Variants in TUFM observed in about 807,000 individuals in gnomAD.
The protein encoded by TUFM is Tu translation elongation factor, mitochondrial.
Under a neutral mutation model 45.0 loss-of-function variants are expected in TUFM, and 23 were observed. The observed-to-expected ratio is 0.51, with a 90% CI of 0.37 to 0.72. The LOEUF is 0.72. TUFM is among the 30% of genes least tolerant of loss of function. The pLI is 0.00. For synonymous variants in TUFM, 243 were observed against 252.9 expected (o/e 0.96, Z 0.37); for missense variants, 490 against 610.7 (o/e 0.80, Z 2.08).
At chr16:28,845,288 G>C in intron 3 of TUFM, 26 bp downstream of exon 3, 1 of 1,613,952 alleles carries the variant, frequency 6.2e-7, no homozygotes, top group Non-Finnish European at 8.5e-7. Flanking sequence ...TTCTGGCCCT[G>C]TCTCCAGTGT....
At position 28,845,450 on chromosome 16, in the gene TUFM, T is replaced by G; in HGVS notation, c.278A>C (p.Lys93Thr). 6.2e-7 allele frequency: 1 copy of G among 1,614,168 alleles called. No homozygotes were observed. Among genetic ancestry groups the G allele is most frequent in the East Asian group, 2.2e-5 (1 of 44,882 alleles). Residue 93 changes from lysine to threonine, a missense_variant, in exon 3 of 10, where the codon AAG becomes ACG. Physicochemically the swap from Lys to Thr is moderately conservative, Grantham distance 78 (BLOSUM62 -1). Transcript: ENST00000313511. ...GGCATTGTCAATCTCCTCGTACTTC[T>G]TGAACTTAGCCCCACCTCCCTCAGC... Reference protein sequence around the residue: ...ILAEGGGAKFKKYEEIDNAPE... With the variant: ...ILAEGGGAKFTKYEEIDNAPE...
Position 28,843,984 on chromosome 16 carries a change from C to A in TUFM, c.1040G>T (p.Gly347Val). Reference sequence around the variant, plus strand: ...CACCTTCTGGTGGGGCTTGATGGAACCTGGCTTGACCATGACCAGGCCCCG... The same window carrying A: ...CACCTTCTGGTGGGGCTTGATGGAAACTGGCTTGACCATGACCAGGCCCCG... ...LRRGLVMVKPGSIKPHQKVEA... is the reference protein window; with the variant it reads ...LRRGLVMVKPVSIKPHQKVEA... The change falls in exon 8 of 10, where the codon GGT (glycine) becomes GTT (valine). Residue 347 changes from glycine to valine, a missense_variant. Physicochemically the swap from Gly to Val is moderately radical, Grantham distance 109. Coordinates refer to ENST00000313511, the MANE Select transcript of TUFM (RefSeq NM_003321.5). The A allele has an allele frequency of 6.2e-7, 1 of 1,614,194 alleles. No homozygotes were observed. Among genetic ancestry groups the A allele is most frequent in the Non-Finnish European group, 8.5e-7 (1 of 1,180,026 alleles).
rs1461577295 is a variant in TUFM at position 28,842,512 on chromosome 16, G to C, written c.*463C>G. 1 of 243,416 alleles carries C rather than the reference G, an allele frequency of 4.1e-6. No individual in the cohort carries two copies. Among genetic ancestry groups the C allele is most frequent in the Non-Finnish European group, 8.2e-6 (1 of 122,230 alleles). The allele number at this position is 243,416 out of a possible 1,614,324, so 15.1% of individuals were successfully genotyped here. On this transcript the variant is annotated 3_prime_UTR_variant, in exon 10 of 10. Transcript: ENST00000313511. ...TCCCACAGAATGTGAATGGATGCTA[G>C]ACATTCACTTAGTATTCCGAGGAAA...
rs747525956 is a variant in TUFM at position 28,844,779 on chromosome 16, C to T, written c.603G>A (p.Glu201=). The change falls in exon 5 of 10, where the codon GAG becomes GAA. Residue 201 remains glutamate, a synonymous_variant. Transcript: ENST00000313511. The surrounding 1 kb of genome is among the most constrained non-coding windows in gnomAD (Gnocchi z 5.8). ...DSEMVELVEL[E]IRELLTEFGY... The stretch of plus-strand genomic sequence containing the variant: ...CAAACTCGGTGAGCAGCTCCCGGAT[C>T]TCCAGTTCCACCAGTTCCACCATCT... 6.2e-7 allele frequency: 1 copy of T among 1,614,216 alleles called. No individual in the cohort carries two copies. The highest frequency in any genetic ancestry group is 1.1e-5 in the South Asian group (1 of 91,078).
Position 28,843,142 on chromosome 16 carries a change from C to T in TUFM, c.1201G>A (p.Ala401Thr). 4 of 1,614,210 alleles carry T rather than the reference C, an allele frequency of 2.5e-6. No homozygotes were observed. Among genetic ancestry groups the T allele is most frequent in the Non-Finnish European group, 3.4e-6 (4 of 1,180,034 alleles). ...RIILPPEKELAMPGEDLKFNL... is the reference protein window; with the variant it reads ...RIILPPEKELTMPGEDLKFNL... ...AACTTCAGGTCCTCCCCGGGCATGG[C>T]AAGCTCCTAGAGTAGGAAGAGAAGG... Residue 401 changes from alanine to threonine, a missense_variant, in exon 10 of 10, where the codon GCC becomes ACC. By Grantham distance (58) the Ala-to-Thr change is moderately conservative (BLOSUM62 0). Transcript: ENST00000313511.
rs1413723113 is a variant in TUFM at position 28,842,940 on chromosome 16, T to TAA, written c.*33_*34dup. 1 of 1,613,236 alleles carries TAA rather than the reference T, an allele frequency of 6.2e-7. No individual in the cohort carries two copies. The highest frequency in any genetic ancestry group is 8.5e-7 in the Non-Finnish European group (1 of 1,179,928). On this transcript the variant is annotated 3_prime_UTR_variant, in exon 10 of 10. Transcript: ENST00000313511. The stretch of plus-strand genomic sequence containing the variant: ...AGGGAGCCCTGGCTAGGGCAGGCCT[T>TAA]AAACGCAAGGGAAGCTGAGCAGAGA...
Position 28,843,039 on chromosome 16 carries a change from C to G in TUFM, c.1304G>C (p.Gly435Ala). ...FTLRDGNRTI[G>A]TGLVTNTLAM... ...CAGCGTGTTGGTGACTAGACCGGTG[C>G]CAATAGTCCGGTTGCCATCTCGCAG... The change falls in exon 10 of 10, where the codon GGC becomes GCC. Residue 435 changes from glycine to alanine, a missense_variant. By Grantham distance (60) the Gly-to-Ala change is moderately conservative. Transcript: ENST00000313511. 6.2e-7 allele frequency: 1 copy of G among 1,614,210 alleles called. No individual in the cohort carries two copies. The highest frequency in any genetic ancestry group is 8.5e-7 in the Non-Finnish European group (1 of 1,180,034).
intron 9 of TUFM, among the ~76,000 whole-genome samples, chr16:28,843,472 C>T (rs1469386584): frequency 1.3e-5 from 2 of 152,130 alleles, no homozygotes; most frequent in East Asian, 3.8e-4. Flanking sequence ...AAGAAGAGAC[C>T]TTTTCTAGGA....
chr16:28,846,172 C>A, intron 1 of TUFM, 46 bp downstream of exon 1: 2 of 1,598,508 alleles, frequency 1.3e-6, no homozygotes, highest in Non-Finnish European at 1.7e-6. Context: ...ACCTACCACT[C>A]CCCCAAAGTG....
rs1961938860 is a variant in TUFM at position 28,845,907 on chromosome 16, C to T, written c.247+5G>A. The T allele has an allele frequency of 6.2e-7, 1 of 1,613,672 alleles. No homozygotes were observed. The highest frequency in any genetic ancestry group is 1.1e-5 in the South Asian group (1 of 91,074). On this transcript the variant is annotated splice_donor_5th_base_variant and intron_variant, in intron 2 of 9. Coordinates refer to ENST00000313511, the MANE Select transcript of TUFM (RefSeq NM_003321.5). Reference sequence around the variant, plus strand: ...GGCGCTGCTGGACGCCCCAACCCCACTCACTCTTCGTGATGGCTGCAGTCA... The same window carrying T: ...GGCGCTGCTGGACGCCCCAACCCCATTCACTCTTCGTGATGGCTGCAGTCA...
At position 28,843,999 on chromosome 16, in the gene TUFM, A is replaced by C. The variant is rs1395175547; in HGVS notation, c.1025T>G (p.Val342Gly). 15 of 1,613,976 alleles carry C rather than the reference A, an allele frequency of 9.3e-6. No homozygotes were observed. Among genetic ancestry groups the C allele is most frequent in the Non-Finnish European group, 1.3e-5 (15 of 1,179,966 alleles). ...CTTGATGGAACCTGGCTTGACCATG[A>C]CCAGGCCCCGCCGCAAGTCCTCCCG... ...LKREDLRRGL[V>G]MVKPGSIKPH... Residue 342 changes from valine to glycine, a missense_variant, in exon 8 of 10, where the codon GTC becomes GGC. Transcript: ENST00000313511.
At position 28,844,705 on chromosome 16, in the gene TUFM, G is replaced by A. The variant is rs1196162148; in HGVS notation, c.677C>T (p.Ala226Val). Residue 226 changes from alanine (A) to valine (V), a missense_variant, in exon 5 of 10, where the codon GCC becomes GTC. Coordinates refer to ENST00000313511, the MANE Select transcript of TUFM (RefSeq NM_003321.5). The surrounding 1 kb of genome is among the most constrained non-coding windows in gnomAD (Gnocchi z 5.8). ...GCCTGACCCCGCGTTCACCTCAAGG[G>A]CACAGAGAGCAGAGCCTACGATGAC... Reference protein sequence around the residue: ...TPVIVGSALCALEGRDPELGL... With the variant: ...TPVIVGSALCVLEGRDPELGL... The A allele has an allele frequency of 3.7e-6, 6 of 1,614,176 alleles. No homozygotes were observed. The highest frequency in any genetic ancestry group is 1.7e-5 in the Admixed American group (1 of 60,016).
intron 2 of TUFM, 58 bp downstream of exon 2, chr16:28,845,854 C>T: frequency 6.2e-7 from 1 of 1,603,038 alleles, no homozygotes; most frequent in Non-Finnish European, 8.5e-7. Context: ...GCCTTGCCTC[C>T]CTGGCTCCAG....
In TUFM at chr16:28,842,524, G is replaced by C. The variant is rs1241998110; in HGVS notation, c.*451C>G. The C allele has an allele frequency of 4.0e-6, 1 of 250,144 alleles. No homozygotes were observed. Among genetic ancestry groups the C allele is most frequent in the African/African-American group, 2.2e-5 (1 of 44,542 alleles). 15.5% of individuals were successfully genotyped at this position (250,144 alleles called of 1,614,324 possible). On this transcript the variant is annotated 3_prime_UTR_variant, in exon 10 of 10. Coordinates refer to ENST00000313511, the MANE Select transcript of TUFM (RefSeq NM_003321.5). ...TGAATGGATGCTAGACATTCACTTA[G>C]TATTCCGAGGAAACAAGATGGGTTT... is the stretch of plus-strand genomic sequence containing the variant.
chr16:28,845,006 G>C lies in TUFM; in HGVS notation c.464C>G (p.Ala155Gly). Reference sequence around the variant, plus strand: ...CTGGGGCATGGGGCCGTCATTGGCTGCTACCACCAGGATGCAGCCGTCGAG... The same window carrying C: ...CTGGGGCATGGGGCCGTCATTGGCTCCTACCACCAGGATGCAGCCGTCGAG... ...APLDGCILVVAANDGPMPQTR... is the reference protein window; with the variant it reads ...APLDGCILVVGANDGPMPQTR... Residue 155 changes from alanine to glycine, a missense_variant, in exon 4 of 10, where the codon GCA becomes GGA. Ala to Gly is a moderately conservative substitution (Grantham distance 60, BLOSUM62 0). Coordinates refer to ENST00000313511, the MANE Select transcript of TUFM (RefSeq NM_003321.5). 1 of 1,614,190 alleles carries C rather than the reference G, an allele frequency of 6.2e-7. No individual in the cohort carries two copies. Among genetic ancestry groups the C allele is most frequent in the Non-Finnish European group, 8.5e-7 (1 of 1,180,034 alleles).
chr16:28,845,593 C>G, intron 2 of TUFM, 113 bp from the exon 3 acceptor site: 1 of 1,320,546 alleles, frequency 7.6e-7, no homozygotes, highest in Non-Finnish European at 1.1e-6. Flanking sequence ...CAATCTCTAA[C>G]TCTTCCAGCA....
chr16:28,845,129 C>A, intron 3 of TUFM, 74 bp from the exon 4 acceptor site: 1 of 1,582,526 alleles, frequency 6.3e-7, no homozygotes, highest in South Asian at 1.1e-5. Context: ...CCAAGTGTAG[C>A]AGTTAGAAAC....
Position 28,843,763 on chromosome 16 carries a change from G to C in TUFM, c.1167C>G (p.Ala389=), listed in dbSNP as rs777216081. ...TCTCTGGGGGCAGGATAATCCGACA[G>C]GCCATGTCCCAAGTCAGGGAGAACA... is the stretch of plus-strand genomic sequence containing the variant. The part of the protein sequence containing the change: ...PVMFSLTWDM[A]CRIILPPEKE... The change falls in exon 9 of 10, where the codon GCC becomes GCG. Residue 389 remains alanine (A), a synonymous_variant. Transcript: ENST00000313511. The C allele has an allele frequency of 8.7e-6, 14 of 1,613,400 alleles. No individual in the cohort carries two copies. In the East Asian group the frequency reaches 1.3e-4, roughly 15 times the overall value.
intron 2 of TUFM, 54 bp from the exon 3 acceptor site, chr16:28,845,534 A>G (rs1187833823): frequency 6.2e-7 from 1 of 1,609,004 alleles, no homozygotes; most frequent in Non-Finnish European, 8.5e-7. Flanking sequence ...CTAGAGGCAG[A>G]GCTTAGACCA....
Sources: gnomAD v4.1 joint callset for allele counts (sites outside exome capture counted in the v4.1 genomes callset) on GRCh38, gnomAD v4.1.1 for gene constraint, Gnocchi (gnomAD v3.1) non-coding constraint, MANE v1.5 for transcripts, NCBI Gene and HGNC (gene_info 2026-07-23, HGNC 2026-07-21) for gene names.